POLD3: variants seen among roughly 807,000 people sequenced by gnomAD.
POLD3 encodes the protein DNA polymerase delta subunit 3.
A neutral mutation model predicts 58.2 loss-of-function variants in POLD3; 19 were observed. That is an observed-to-expected ratio of 0.33 (90% CI 0.23 to 0.48). The LOEUF (loss-of-function observed/expected upper bound fraction) is 0.48. POLD3 is among the 20% of genes least tolerant of loss of function. The probability of loss-of-function intolerance (pLI) is 0.99; values close to 1 mark genes in which losing one functional copy is unlikely to be tolerated. For synonymous variants in POLD3, 172 were observed against 193.5 expected (o/e 0.89, Z 0.92); for missense variants, 504 against 545.5 (o/e 0.92, Z 0.76).
chr11:74,595,258 A>G (rs2031196795), intron 2 of POLD3: 1 of 149,330 alleles, frequency 6.7e-6, no homozygotes, highest in Admixed American at 6.8e-5. Flanking sequence ...CAGCCTACCA[A>G]CTAGCTCTAC....
At chr11:74,636,140 T>A in intron 10 of POLD3, 57 bp from the exon 11 acceptor site, 1 of 1,512,024 alleles carries the variant, frequency 6.6e-7, no homozygotes, top group Non-Finnish European at 9.1e-7. Context: ...AAGCTTTTGT[T>A]ATTTTTCTGT....
Position 74,606,211 on chromosome 11 carries a change from G to A in POLD3, c.219+1417G>A, listed in dbSNP as rs532485556. On this transcript the variant is annotated intron_variant, in intron 3 of 11. Transcript: ENST00000263681. ...AAGCCAAATGATAACCAAGATATTT[G>A]CAAGTGTAAAATAAGATGTCATTTA... 3.3e-5 allele frequency among the ~76,000 whole-genome samples: 5 copies of A among 152,310 alleles called. No homozygotes were observed. The East Asian group carries it at 9.6e-4, about 29-fold the overall frequency.
chr11:74,592,943 G>C (rs555808891), intron 1 of POLD3: 22 of 1,401,902 alleles, frequency 1.6e-5, no homozygotes, highest in Non-Finnish European at 1.9e-5. Context: ...TGGGCGTGCT[G>C]GGAACAGAGC....
intron 4 of POLD3, 56 bp downstream of exon 4, chr11:74,611,594 A>C: frequency 1.0e-6 from 1 of 965,310 alleles, no homozygotes; most frequent in Middle Eastern, 2.1e-4. Context: ...GTGTAGGTGC[A>C]ATAAAAAATC....
downstream of POLD3, among the ~76,000 whole-genome samples, chr11:74,643,856 G>A (rs1053106889): frequency 2.0e-5 from 3 of 152,170 alleles, no homozygotes; most frequent in Non-Finnish European, 2.9e-5. Flanking sequence ...TATGCACATT[G>A]TATCTTAAAA....
intron 3 of POLD3, among the ~76,000 whole-genome samples, chr11:74,605,514 G>A (rs552379109): frequency 4.6e-5 from 7 of 152,222 alleles, no homozygotes; most frequent in African/African-American, 1.4e-4. Context: ...ACTGGGCCTT[G>A]GGAACTTTAA....
chr11:74,611,411 C>A, intron 3 of POLD3, 88 bp from the exon 4 acceptor site: 1 of 771,248 alleles, frequency 1.3e-6, no homozygotes, highest in Non-Finnish European at 2.3e-6. Flanking sequence ...CCTAATTTCA[C>A]ATCCAAGCAC....
In POLD3 at chr11:74,625,541, G is replaced by A. The variant is rs1231147038; in HGVS notation, c.867G>A (p.Glu289=). ...TGAAAAAATCCAGCAAAAAAGCAGA[G>A]CCTGTTAAGGTGCTGCAGAAGGAAA... ...AGLKKSSKKA[E]PVKVLQKEKK... is the part of the protein sequence containing the mutation. Residue 289 remains glutamate, a synonymous_variant, in exon 8 of 12, where the codon GAG becomes GAA. Transcript: ENST00000263681. The A allele has an allele frequency of 4.3e-6, 7 of 1,611,356 alleles. No homozygotes were observed. The highest frequency in any genetic ancestry group is 1.7e-5 in the Admixed American group (1 of 59,402).
intron 4 of POLD3, chr11:74,652,687 T>G (rs996330405): frequency 3.9e-5 from 6 of 152,530 alleles, no homozygotes; most frequent in African/African-American, 1.4e-4. Context: ...TCTATTGTAT[T>G]CTACTAAAGG....
intron 4 of POLD3, among the ~76,000 whole-genome samples, chr11:74,657,212 C>CT (rs1039185217): frequency 1.3e-4 from 19 of 146,280 alleles, no homozygotes; most frequent in Admixed American, 2.0e-4. Flanking sequence ...ATTATTGTGT[C>CT]TTTTTTTTTT....
chr11:74,625,995 TA>T (rs1302414762), intron 8 of POLD3, among the ~76,000 whole-genome samples: 2 of 152,060 alleles, frequency 1.3e-5, no homozygotes, highest in African/African-American at 4.8e-5. Context: ...TCAATGAGTT[TA>T]TTTTTCAAGT....
intron 10 of POLD3, among the ~76,000 whole-genome samples, chr11:74,635,975 ACTTTC>A (rs1480938243): frequency 5.3e-5 from 8 of 152,218 alleles, no homozygotes; most frequent in African/African-American, 1.9e-4. Context: ...TCAGCATGCT[ACTTTC>A]CTTCTTATGA....
intron 10 of POLD3, among the ~76,000 whole-genome samples, chr11:74,635,829 A>G (rs112016500): frequency 2.6e-5 from 4 of 152,292 alleles, no homozygotes; most frequent in African/African-American, 9.6e-5. Context: ...AGCCCTCACT[A>G]CACTGTATTG....
chr11:74,642,613 A>C lies in POLD3; in HGVS notation c.*1847A>C. 1.0e-6 allele frequency: 1 copy of C among 984,528 alleles called. No individual in the cohort carries two copies. The highest frequency in any genetic ancestry group is 1.2e-6 in the Non-Finnish European group (1 of 829,644). 61.0% of individuals were successfully genotyped at this position (984,528 alleles called of 1,614,324 possible). On this transcript the variant is annotated 3_prime_UTR_variant, in exon 12 of 12. Coordinates refer to ENST00000263681, the MANE Select transcript of POLD3 (RefSeq NM_006591.3). Reference sequence around the variant, plus strand: ...TCTCTATGCCCAATATGCTGCCTCAACTCTGAGCTGTCTGCAAGGCTTAGT... The same window carrying C: ...TCTCTATGCCCAATATGCTGCCTCACCTCTGAGCTGTCTGCAAGGCTTAGT...
intron 5 of POLD3, among the ~76,000 whole-genome samples, chr11:74,616,221 A>G (rs913866446): frequency 3.3e-5 from 5 of 152,234 alleles, no homozygotes. Context: ...AATAGGAAGC[A>G]CTTCAGTGAA....
At chr11:74,603,558 A>G (rs2031572679) in intron 2 of POLD3, among the ~76,000 whole-genome samples, 1 of 152,190 alleles carries the variant, frequency 6.6e-6, no homozygotes, top group African/African-American at 2.4e-5. Flanking sequence ...CCTCAGACCC[A>G]GGCAGACAGG....
chr11:74,618,891 T>C, intron 6 of POLD3, 87 bp downstream of exon 6: 1 of 1,100,606 alleles, frequency 9.1e-7, no homozygotes, highest in Non-Finnish European at 1.3e-6. Context: ...AGTAGTTTAT[T>C]TATATAAGAT....
chr11:74,594,724 T>C (rs765067220), intron 2 of POLD3, among the ~76,000 whole-genome samples: 40 of 152,342 alleles, frequency 2.6e-4, no homozygotes, highest in Non-Finnish European at 5.3e-4. Flanking sequence ...CGAGGTTTAA[T>C]TGACTCACAG....
At chr11:74,638,675 A>AT (rs2032825707) in intron 11 of POLD3, 1 of 455,978 alleles carries the variant, frequency 2.2e-6, no homozygotes, top group South Asian at 1.5e-5. Flanking sequence ...TGCTGAACGA[A>AT]TAGGTATGCC....
Sources: gnomAD v4.1 joint callset for allele counts (sites outside exome capture counted in the v4.1 genomes callset) on GRCh38, gnomAD v4.1.1 for gene constraint, MANE v1.5 for transcripts, NCBI Gene and HGNC (gene_info 2026-07-23, HGNC 2026-07-21) for gene names.